Variants in HOXA4 observed in about 807,000 individuals in gnomAD.
HOXA4 encodes homeobox protein Hox-A4.
HOXA4 carries 31 observed loss-of-function variants against 25.3 expected under a neutral mutation model. The observed-to-expected ratio is 1.22, with a 90% CI of 0.92 to 1.65. The LOEUF is 1.65. Ranked by LOEUF, HOXA4 falls within the 40% of genes most tolerant of loss-of-function variation. HOXA4 has a pLI of 0.00. For synonymous variants in HOXA4, 225 were observed against 207.7 expected (o/e 1.08, Z -0.72); for missense variants, 459 against 446.0 (o/e 1.03, Z -0.26).
In HOXA4 at chr7:27,129,244, G is replaced by T. The variant is rs778664744; in HGVS notation, c.944C>A (p.Pro315His). 1.3e-6 allele frequency: 2 copies of T among 1,566,344 alleles called. No homozygotes were observed. Among genetic ancestry groups the T allele is most frequent in the South Asian group, 2.2e-5 (2 of 90,134 alleles). The change falls in exon 2 of 2, where the codon CCC (proline) becomes CAC (histidine). Residue 315 changes from proline to histidine, a missense_variant. Transcript: ENST00000360046. ...AGAAGATTATATGGAGGAGGGAACGGGTGTGGAGGTGCTCGGGTGGGGGTG... is the reference window on the plus strand; with the variant it reads ...AGAAGATTATATGGAGGAGGGAACGTGTGTGGAGGTGCTCGGGTGGGGGTG... ...HPHPHPSTST[P>H]VPSSI
rs755300090 is a variant in HOXA4, at chr7:27,130,516, T to C, written c.218A>G (p.Tyr73Cys). 1 of 1,328,270 alleles carries C rather than the reference T, an allele frequency of 7.5e-7. No individual in the cohort carries two copies. Among genetic ancestry groups the C allele is most frequent in the Non-Finnish European group, 9.6e-7 (1 of 1,038,090 alleles). 82.3% of individuals were successfully genotyped at this position (1,328,270 alleles called of 1,614,324 possible). A position where few individuals can be genotyped will look rare whatever the true frequency, so the allele number is the denominator to read the frequency against. Residue 73 changes from tyrosine (Y) to cysteine (C), a missense_variant, in exon 1 of 2, where the codon TAC becomes TGC. Transcript: ENST00000360046. ...AGGGREPTASYYAPRTAREPA... is the reference protein window; with the variant it reads ...AGGGREPTASCYAPRTAREPA... Reference sequence around the variant, plus strand: ...CTCGCGGGCGGTCCGCGGCGCGTAGTAGGAGGCAGTGGGCTCTCGGCCGCC... The same window carrying C: ...CTCGCGGGCGGTCCGCGGCGCGTAGCAGGAGGCAGTGGGCTCTCGGCCGCC...
Position 27,130,102 on chromosome 7 carries a change from A to G in HOXA4, c.616+16T>C. 1 of 1,584,954 alleles carries G rather than the reference A, an allele frequency of 6.3e-7. No individual in the cohort carries two copies. Among genetic ancestry groups the G allele is most frequent in the Admixed American group, 1.7e-5 (1 of 58,498 alleles). ...CCCCGGCCCACCTCCCGCGCCTCCCAAGCGGCGCCACGTACCGGCGCTGAC... is the reference window on the plus strand; with the variant it reads ...CCCCGGCCCACCTCCCGCGCCTCCCGAGCGGCGCCACGTACCGGCGCTGAC... On this transcript the variant is annotated intron_variant, in intron 1 of 1. Transcript: ENST00000360046.
chr7:27,128,653 GT>G lies in HOXA4; in HGVS notation c.*571del. On this transcript the variant is annotated 3_prime_UTR_variant, in exon 2 of 2. Transcript: ENST00000360046. ...GACCGTGCCCCAGAAGGGGACAACA[GT>G]ATCTCTGTAACAGTGTCTTAAATAA... 6.2e-6 allele frequency: 1 copy of G among 160,450 alleles called. No individual in the cohort carries two copies. Among genetic ancestry groups the G allele is most frequent in the Non-Finnish European group, 1.4e-5 (1 of 72,098 alleles). 9.9% of individuals were successfully genotyped at this position (160,450 alleles called of 1,614,324 possible).
intron 1 of HOXA4, 144 bp from the exon 2 acceptor site, chr7:27,129,715 A>G: frequency 3.1e-5 from 28 of 907,760 alleles, no homozygotes. Flanking sequence ...CACGCAAGAT[A>G]CATAAAACGG....
chr7:27,129,724 G>T (rs1482961832), intron 1 of HOXA4, among the ~76,000 whole-genome samples, 153 bp from the exon 2 acceptor site: 1 of 152,154 alleles, frequency 6.6e-6, no homozygotes, highest in Non-Finnish European at 1.5e-5. Context: ...TACATAAAAC[G>T]GCAAAGAAAA....
rs1405961370 is a variant in HOXA4, at chr7:27,129,331, G to C, written c.857C>G (p.Ser286Trp). 1.9e-6 allele frequency: 3 copies of C among 1,614,192 alleles called. No individual in the cohort carries two copies. The African/African-American group carries it at 4.0e-5, about 22-fold the overall frequency. The change falls in exon 2 of 2, where the codon TCG becomes TGG. Residue 286 changes from serine to tryptophan, a missense_variant. Physicochemically the swap from Ser to Trp is radical, Grantham distance 177 (BLOSUM62 -3). Coordinates refer to ENST00000360046, the MANE Select transcript of HOXA4 (RefSeq NM_002141.5). ...LPNTKMRSSN[S>W]ASASAGPPGK... ...TGGTGGGCCGGCAGAGGCCGAGGCC[G>C]AATTGGAGGATCGCATCTTGGTGTT...
chr7:27,129,573 T>C lies in HOXA4; in HGVS notation c.617-2A>G, dbSNP rs1225215136. 1 of 1,611,096 alleles carries C rather than the reference T, an allele frequency of 6.2e-7. No homozygotes were observed. Among genetic ancestry groups the C allele is most frequent in the South Asian group, 1.1e-5 (1 of 91,044 alleles). ...CCCCTCCGTTATAACTGGGGTTAAC[T>C]GAAAACCCAGAACCCCGAAATAGAA... is the stretch of plus-strand genomic sequence containing the variant. On this transcript the variant is annotated splice_acceptor_variant, in intron 1 of 1. Coordinates refer to ENST00000360046, the MANE Select transcript of HOXA4 (RefSeq NM_002141.5). LOFTEE classifies it high-confidence loss of function.
Position 27,129,249 on chromosome 7 carries a change from G to A in HOXA4, c.939C>T (p.Ser313=). ...ATTATATGGAGGAGGGAACGGGTGT[G>A]GAGGTGCTCGGGTGGGGGTGGGGAT... ...HLHPHPHPST[S]TPVPSSI The change falls in exon 2 of 2, where the codon TCC becomes TCT. Residue 313 remains serine, a synonymous_variant. Coordinates refer to ENST00000360046, the MANE Select transcript of HOXA4 (RefSeq NM_002141.5). 6.3e-7 allele frequency: 1 copy of A among 1,590,134 alleles called. No homozygotes were observed. The highest frequency in any genetic ancestry group is 8.6e-7 in the Non-Finnish European group (1 of 1,158,238).
At position 27,129,389 on chromosome 7, in the gene HOXA4, T is replaced by C. The variant is rs2128053935; in HGVS notation, c.799A>G (p.Arg267Gly). ...TTGTGGTCTTTCTTCCACTTCATCC[T>C]CCGGTTCTGAAACCAGATCTTGACC... ...RQVKIWFQNRRMKWKKDHKLP... is the reference protein window; with the variant it reads ...RQVKIWFQNRGMKWKKDHKLP... Residue 267 changes from arginine (R) to glycine (G), a missense_variant, in exon 2 of 2, where the codon AGG becomes GGG. Coordinates refer to ENST00000360046, the MANE Select transcript of HOXA4 (RefSeq NM_002141.5). The C allele has an allele frequency of 6.2e-7, 1 of 1,614,120 alleles. No homozygotes were observed. Among genetic ancestry groups the C allele is most frequent in the Middle Eastern group, 1.7e-4 (1 of 6,060 alleles).
At chr7:27,130,077 C>T (rs1468045763) in intron 1 of HOXA4, 41 bp downstream of exon 1, 6 of 1,552,144 alleles carry the variant, frequency 3.9e-6, no homozygotes, top group Non-Finnish European at 4.3e-6. Context: ...CCAGGCCCAG[C>T]CCCGGCCCAC....
At position 27,130,624 on chromosome 7, in the gene HOXA4, C is replaced by T; in HGVS notation, c.110G>A (p.Gly37Asp). The stretch of plus-strand genomic sequence containing the variant: ...GGGCTGCTGGTAGCCGGGGCCCCCG[C>T]CCGGGCCGCCGTCTGCGCCGCCCGA... ...SGSGGADGGP[G>D]GGPGYQQPPA... The change falls in exon 1 of 2, where the codon GGC becomes GAC. Residue 37 changes from glycine to aspartate, a missense_variant. Transcript: ENST00000360046. 6.4e-7 allele frequency: 1 copy of T among 1,567,274 alleles called. No homozygotes were observed. The highest frequency in any genetic ancestry group is 8.7e-7 in the Non-Finnish European group (1 of 1,156,016).
chr7:27,130,195 GC>G lies in HOXA4; in HGVS notation c.538del (p.Ala180ProfsTer8). ...GSAPACPLLLADKSPLGLKGK... is the reference protein window; with the variant it reads ...GSAPACPLLLXDKSPLGLKGK... ...CTTCAGGCCCAGCGGGCTCTTGTCG[GC>G]CAAGAGCAGCGGGCACGCGGGGGCG... is the stretch of plus-strand genomic sequence containing the variant. On this transcript the variant is annotated frameshift_variant, in exon 1 of 2. Transcript: ENST00000360046. LOFTEE classifies it high-confidence loss of function. 1 of 1,572,418 alleles carries G rather than the reference GC, an allele frequency of 6.4e-7. No homozygotes were observed. The highest frequency in any genetic ancestry group is 8.6e-7 in the Non-Finnish European group (1 of 1,164,922).
In HOXA4 at chr7:27,130,387, G is replaced by A. The variant is rs1464079425; in HGVS notation, c.347C>T (p.Pro116Leu). 4 of 1,154,290 alleles carry A rather than the reference G, an allele frequency of 3.5e-6. No individual in the cohort carries two copies. In the East Asian group the frequency reaches 1.2e-4, roughly 35 times the overall value. 71.5% of individuals were successfully genotyped at this position (1,154,290 alleles called of 1,614,324 possible). A position where few individuals can be genotyped will look rare whatever the true frequency, so the allele number is the denominator to read the frequency against. The change falls in exon 1 of 2, where the codon CCC (proline) becomes CTC (leucine). Residue 116 changes from proline to leucine, a missense_variant. By Grantham distance (98) the Pro-to-Leu change is moderately conservative. Coordinates refer to ENST00000360046, the MANE Select transcript of HOXA4 (RefSeq NM_002141.5). The part of the protein sequence containing the change: ...GGASPGRPPQ[P>L]EQPPAQAKGP... ...CTTGGCTTGCGCCGGGGGCTGCTCG[G>A]GCTGGGGCGGCCGCCCGGGGCTGGC...
At chr7:27,130,091 C>T (rs758131367) in intron 1 of HOXA4, 27 bp downstream of exon 1, 2 of 1,576,786 alleles carry the variant, frequency 1.3e-6, no homozygotes, top group South Asian at 2.3e-5. Flanking sequence ...GGCCCACCTC[C>T]CGCGCCTCCC....
In HOXA4 at chr7:27,129,076, T is replaced by A; in HGVS notation, c.*149A>T. On this transcript the variant is annotated 3_prime_UTR_variant, in exon 2 of 2. Transcript: ENST00000360046. ...CCAGCACAGACTCTTAACCGGATAA[T>A]GTCTTCTTTTTGATTATTCTTTTCA... 1 of 706,674 alleles carries A rather than the reference T, an allele frequency of 1.4e-6. No homozygotes were observed. The highest frequency in any genetic ancestry group is 1.6e-5 in the South Asian group (1 of 62,178). The allele number at this position is 706,674 out of a possible 1,614,324, so 43.8% of individuals were successfully genotyped here.
At chr7:27,129,697 AC>A (rs1170398538) in intron 1 of HOXA4, 126 bp from the exon 2 acceptor site, 12 of 1,025,390 alleles carry the variant, frequency 1.2e-5, no homozygotes, top group Non-Finnish European at 1.8e-5. Flanking sequence ...ATAACCTGAC[AC>A]CAAGTTCACG....
Position 27,129,176 on chromosome 7 carries a change from G to A in HOXA4, c.*49C>T, listed in dbSNP as rs762280127. 9.0e-7 allele frequency: 1 copy of A among 1,112,464 alleles called. No individual in the cohort carries two copies. The highest frequency in any genetic ancestry group is 1.2e-5 in the South Asian group (1 of 81,082). The allele number at this position is 1,112,464 out of a possible 1,614,324, so 68.9% of individuals were successfully genotyped here. A position where few individuals can be genotyped will look rare whatever the true frequency, so the allele number is the denominator to read the frequency against. ...GGATGAGGAACGGAGCAGGAGAAGA[G>A]AAGAGAAAAGCAGGTAAGGGATAGA... is the stretch of plus-strand genomic sequence containing the variant. On this transcript the variant is annotated 3_prime_UTR_variant, in exon 2 of 2. Transcript: ENST00000360046.
chr7:27,130,538 C>T lies in HOXA4; in HGVS notation c.196G>A (p.Gly66Ser), dbSNP rs1430203937. The change falls in exon 1 of 2, where the codon GGC (glycine) becomes AGC (serine). Residue 66 changes from glycine (G) to serine (S), a missense_variant. Gly to Ser is a moderately conservative substitution (Grantham distance 56). Coordinates refer to ENST00000360046, the MANE Select transcript of HOXA4 (RefSeq NM_002141.5). Reference sequence around the variant, plus strand: ...TAGTAGGAGGCAGTGGGCTCTCGGCCGCCGCCCGCGTGAGGGAGCTGGGGC... The same window carrying T: ...TAGTAGGAGGCAGTGGGCTCTCGGCTGCCGCCCGCGTGAGGGAGCTGGGGC... ...QQPQLPHAGG[G>S]REPTASYYAP... The T allele has an allele frequency of 1.5e-6, 2 of 1,367,230 alleles. No homozygotes were observed. Among genetic ancestry groups the T allele is most frequent in the Non-Finnish European group, 1.9e-6 (2 of 1,055,948 alleles). 84.7% of individuals were successfully genotyped at this position (1,367,230 alleles called of 1,614,324 possible).
Position 27,130,403 on chromosome 7 carries a change from C to G in HOXA4, c.331G>C (p.Gly111Arg). The G allele has an allele frequency of 1.7e-6, 2 of 1,165,990 alleles. No individual in the cohort carries two copies. Among genetic ancestry groups the G allele is most frequent in the Non-Finnish European group, 1.1e-6 (1 of 946,586 alleles). The allele number at this position is 1,165,990 out of a possible 1,614,324, so 72.2% of individuals were successfully genotyped here. ...GGCTGCTCGGGCTGGGGCGGCCGCC[C>G]GGGGCTGGCGCCGCCGCGGTAGCCA... Reference protein sequence around the residue: ...PYGYRGGASPGRPPQPEQPPA... With the variant: ...PYGYRGGASPRRPPQPEQPPA... The change falls in exon 1 of 2, where the codon GGG becomes CGG. Residue 111 changes from glycine to arginine, a missense_variant. By Grantham distance (125) the Gly-to-Arg change is moderately radical. Coordinates refer to ENST00000360046, the MANE Select transcript of HOXA4 (RefSeq NM_002141.5).
Sources: allele counts gnomAD v4.1 joint callset (sites outside exome capture counted in the v4.1 genomes callset), GRCh38; gene constraint gnomAD v4.1.1; transcripts MANE v1.5; gene names NCBI Gene and HGNC (gene_info 2026-07-23, HGNC 2026-07-21).